LOC128125817: variants seen among roughly 807,000 people sequenced by gnomAD.
chr1:41,612,906 G>A, the LOC128125817 span, among the ~76,000 whole-genome samples: 3 of 152,306 alleles, frequency 2.0e-5, no homozygotes, highest in South Asian at 2.1e-4. Flanking sequence ...CAGAAGAACC[G>A]ATAAACCATG....
At chr1:41,594,577 GCATAAA>G in the LOC128125817 span, among the ~76,000 whole-genome samples, 2 of 152,112 alleles carry the variant, frequency 1.3e-5, no homozygotes, top group African/African-American at 4.8e-5. Context: ...TAGCATTTTT[GCATAAA>G]CATATTCAGT....
the LOC128125817 span, among the ~76,000 whole-genome samples, chr1:41,603,571 G>A: frequency 6.6e-6 from 1 of 152,036 alleles, no homozygotes; most frequent in Non-Finnish European, 1.5e-5. Context: ...TGTTGGCCAA[G>A]CTGGTCTTGA....
the LOC128125817 span, among the ~76,000 whole-genome samples, chr1:41,621,833 T>C: frequency 6.6e-6 from 1 of 152,204 alleles, no homozygotes; most frequent in Non-Finnish European, 1.5e-5. Flanking sequence ...TGCTCTTCTC[T>C]TATGACTTCC....
chr1:41,617,574 G>C, the LOC128125817 span, among the ~76,000 whole-genome samples: 1 of 152,230 alleles, frequency 6.6e-6, no homozygotes, highest in Non-Finnish European at 1.5e-5. Context: ...GGCACCGCCT[G>C]GGGTGATCTG....
At chr1:41,620,906 G>A in the LOC128125817 span, among the ~76,000 whole-genome samples, 1 of 152,180 alleles carries the variant, frequency 6.6e-6, no homozygotes, top group Admixed American at 6.5e-5. Context: ...ATTTGCCTTG[G>A]CCTGTTCTTC....
At chr1:41,625,597 T>C in the LOC128125817 span, among the ~76,000 whole-genome samples, 1 of 152,194 alleles carries the variant, frequency 6.6e-6, no homozygotes, top group African/African-American at 2.4e-5. Context: ...CAGCCAGGTG[T>C]GGTGGTCCAT....
chr1:41,619,179 C>T, the LOC128125817 span, among the ~76,000 whole-genome samples: 1 of 152,158 alleles, frequency 6.6e-6, no homozygotes, highest in Non-Finnish European at 1.5e-5. Flanking sequence ...CCTTGCTGTT[C>T]CCAGCAGGCT....
chr1:41,589,414 T>A, the LOC128125817 span, among the ~76,000 whole-genome samples: 1 of 152,316 alleles, frequency 6.6e-6, no homozygotes, highest in East Asian at 1.9e-4. Context: ...AGATCGGGAC[T>A]TGCTGGGGTT....
At chr1:41,624,912 T>A in the LOC128125817 span, among the ~76,000 whole-genome samples, 1 of 152,198 alleles carries the variant, frequency 6.6e-6, no homozygotes, top group Non-Finnish European at 1.5e-5. Context: ...ACGCCTGTAA[T>A]CCCAGCACTT....
At chr1:41,604,896 G>A in the LOC128125817 span, among the ~76,000 whole-genome samples, 1 of 151,896 alleles carries the variant, frequency 6.6e-6, no homozygotes, top group African/African-American at 2.4e-5. Context: ...TTGAGCCCAG[G>A]AATTCGAGAC....
At chr1:41,606,380 T>C in the LOC128125817 span, among the ~76,000 whole-genome samples, 1 of 152,040 alleles carries the variant, frequency 6.6e-6, no homozygotes, top group Non-Finnish European at 1.5e-5. Context: ...TTTTGTTATA[T>C]GTTATTGCTT....
the LOC128125817 span, among the ~76,000 whole-genome samples, chr1:41,622,771 G>A: frequency 6.6e-6 from 1 of 152,224 alleles, no homozygotes; most frequent in African/African-American, 2.4e-5. Context: ...TGCTGGAGCA[G>A]GCAAGCCAGG....
At chr1:41,594,252 T>A in the LOC128125817 span, among the ~76,000 whole-genome samples, 1 of 152,312 alleles carries the variant, frequency 6.6e-6, no homozygotes, top group Non-Finnish European at 1.5e-5. Context: ...AAATGGAGTC[T>A]CGCTCTGTTG....
At chr1:41,613,374 C>T in the LOC128125817 span, among the ~76,000 whole-genome samples, 2 of 152,228 alleles carry the variant, frequency 1.3e-5, no homozygotes, top group African/African-American at 2.4e-5. Flanking sequence ...TATTCCCTCA[C>T]TGTACTAATC....
At chr1:41,601,398 C>T in the LOC128125817 span, among the ~76,000 whole-genome samples, 1 of 152,050 alleles carries the variant, frequency 6.6e-6, no homozygotes, top group Admixed American at 6.5e-5. Flanking sequence ...GGATGTCTTT[C>T]TCTTTGTTTG....
chr1:41,591,596 C>T, the LOC128125817 span, among the ~76,000 whole-genome samples: 1 of 151,988 alleles, frequency 6.6e-6, no homozygotes, highest in Non-Finnish European at 1.5e-5. Flanking sequence ...CCACCAGATC[C>T]ATCTTCCTGA....
the LOC128125817 span, among the ~76,000 whole-genome samples, chr1:41,618,245 A>G: frequency 8.5e-5 from 13 of 152,350 alleles, no homozygotes; most frequent in South Asian, 2.7e-3. Flanking sequence ...GCTGCCACAC[A>G]GAAGAGTCTC....
At chr1:41,593,283 G>A in the LOC128125817 span, among the ~76,000 whole-genome samples, 15 of 152,060 alleles carry the variant, frequency 9.9e-5, no homozygotes, top group South Asian at 2.5e-3. Context: ...TCTTCCCGAC[G>A]TCCTAATGTA....
At chr1:41,610,484 AC>A in the LOC128125817 span, among the ~76,000 whole-genome samples, 1 of 152,192 alleles carries the variant, frequency 6.6e-6, no homozygotes, top group African/African-American at 2.4e-5. Flanking sequence ...GGGGAATCCT[AC>A]TGGATGGTGG....
Sources: gnomAD v4.1 joint callset for allele counts (sites outside exome capture counted in the v4.1 genomes callset) on GRCh38, gnomAD v4.1.1 for gene constraint, MANE v1.5 for transcripts.